The following CDH18 variants were observed in gnomAD, a reference collection of about 807,000 sequenced individuals.
CDH18 encodes the protein cadherin-18.
A neutral mutation model predicts 67.9 loss-of-function variants in CDH18; 31 were observed. The observed-to-expected ratio is 0.46, with a 90% CI of 0.34 to 0.62. CDH18 has a LOEUF of 0.62. Among genes scored for constraint, CDH18 ranks in the 20% least tolerant of loss-of-function variants. The pLI is 0.01. For missense variants in CDH18, 890 were observed against 975.5 expected (o/e 0.91, Z 1.17); for synonymous variants, 362 against 347.2 (o/e 1.04, Z -0.48).
chr5:19,599,890 A>AAAAAC (rs1279562377), intron 6 of CDH18, among the ~76,000 whole-genome samples: 1 of 152,110 alleles, frequency 6.6e-6, no homozygotes, highest in African/African-American at 2.4e-5. Context: ...GTGTCTCAAT[A>AAAAAC]AAAACAAGAC....
At chr5:19,760,231 T>A (rs548535734) in intron 3 of CDH18, among the ~76,000 whole-genome samples, 3 of 152,124 alleles carry the variant, frequency 2.0e-5, no homozygotes, top group Non-Finnish European at 4.4e-5. Context: ...CCATTAGATC[T>A]GATACACAGA....
At chr5:20,500,312 G>C (rs1754180787) in intron 1 of CDH18, among the ~76,000 whole-genome samples, 1 of 152,068 alleles carries the variant, frequency 6.6e-6, no homozygotes, top group Admixed American at 6.6e-5. Flanking sequence ...TGAATTTTAG[G>C]AAAATAGAAA....
chr5:19,571,212 C>T lies in CDH18; in HGVS notation c.1253+367G>A, dbSNP rs536932434. ...GAGTCAGTTAGAGATGAGTGTTATC[C>T]CCAAATCATCACGCTTTGTACTATA... On this transcript the variant is annotated intron_variant, in intron 8 of 12. Transcript: ENST00000382275. Among the ~76,000 whole-genome samples the T allele has an allele frequency of 7.9e-5, 12 of 152,272 alleles. No homozygotes were observed. The South Asian group carries it at 2.3e-3, about 29-fold the overall frequency.
intron 4 of CDH18, 86 bp downstream of exon 4, chr5:19,746,856 A>C (rs769054304): frequency 9.8e-7 from 1 of 1,021,578 alleles, no homozygotes; most frequent in Non-Finnish European, 1.5e-6. Flanking sequence ...AGATATATAT[A>C]TATAAGTAAA....
intron 1 of CDH18, among the ~76,000 whole-genome samples, chr5:20,292,675 G>GC (rs1174559299): frequency 6.6e-6 from 1 of 152,078 alleles, no homozygotes; most frequent in Non-Finnish European, 1.5e-5. Flanking sequence ...CGTGTTCCAT[G>GC]CTTTTTTTTT....
chr5:19,544,173 T>C (rs111662903), intron 8 of CDH18, among the ~76,000 whole-genome samples, 168 bp from the exon 9 acceptor site: 39 of 152,290 alleles, frequency 2.6e-4, no homozygotes, highest in Admixed American at 7.2e-4. Context: ...TCAATTATTC[T>C]TATCCATCAG....
chr5:19,844,877 T>C (rs965282680), intron 2 of CDH18, among the ~76,000 whole-genome samples: 3 of 152,214 alleles, frequency 2.0e-5, no homozygotes, highest in Non-Finnish European at 4.4e-5. Flanking sequence ...ACCTGATTTG[T>C]AAACACCCTC....
intron 1 of CDH18, among the ~76,000 whole-genome samples, chr5:20,397,206 C>T (rs62352815): frequency 0.14 from 20,681 of 152,100 alleles, 1,826 homozygotes; most frequent in East Asian, 0.25. Context: ...TCTTGGCTCA[C>T]GGCAACATCC....
chr5:20,559,965 G>GT (rs74939366), intron 1 of CDH18, among the ~76,000 whole-genome samples: 149,570 of 152,094 alleles, frequency 0.98, 73,523 homozygotes, highest in East Asian at 1. Flanking sequence ...GCCTAAAGGA[G>GT]TTTGGTTGAT....
chr5:19,994,156 C>T (rs978238595), intron 2 of CDH18, among the ~76,000 whole-genome samples: 17 of 151,970 alleles, frequency 1.1e-4, no homozygotes, highest in Admixed American at 9.8e-4. Flanking sequence ...GGTGACAAAA[C>T]GGTATCAGCT....
rs530240146 is a variant in CDH18, at chr5:20,421,039, T to C, written c.-580+154423A>G. ...CTTTTAAGGTGAGCTTGCCAGCAAG[T>C]AACAGTATGATCTTTAAATCCTTTT... is the stretch of plus-strand genomic sequence containing the variant. On this transcript the variant is annotated intron_variant, in intron 1 of 14. Transcript: ENST00000507958. 3.0e-4 allele frequency among the ~76,000 whole-genome samples: 46 copies of C among 151,396 alleles called. 3 individuals carry two copies. Among genetic ancestry groups the C allele is most frequent in the African/African-American group, 1.1e-3 (44 of 40,692 alleles).
chr5:20,336,997 A>C (rs1258067040), intron 1 of CDH18, among the ~76,000 whole-genome samples: 1 of 152,094 alleles, frequency 6.6e-6, no homozygotes, highest in East Asian at 1.9e-4. Context: ...TAGGAGGGAA[A>C]TTTACCCCTC....
intron 2 of CDH18, among the ~76,000 whole-genome samples, chr5:20,031,922 G>C (rs1739434377): frequency 6.6e-6 from 1 of 151,738 alleles, no homozygotes; most frequent in African/African-American, 2.4e-5. Flanking sequence ...AAAGCAAATA[G>C]AGTGTCCAAC....
intron 8 of CDH18, among the ~76,000 whole-genome samples, chr5:19,558,422 C>G (rs1027427864): frequency 3.3e-5 from 5 of 151,174 alleles, no homozygotes; most frequent in Non-Finnish European, 5.9e-5. Context: ...AAAAGAGAAG[C>G]AAGATCCAAA....
chr5:20,400,201 C>T (rs1028358503), intron 1 of CDH18, among the ~76,000 whole-genome samples: 4 of 152,126 alleles, frequency 2.6e-5, no homozygotes, highest in Non-Finnish European at 5.9e-5. Context: ...ATATCCTAAT[C>T]CTGTAGTTGT....
chr5:20,493,950 A>C (rs1459409795), intron 1 of CDH18, among the ~76,000 whole-genome samples: 1 of 141,458 alleles, frequency 7.1e-6, no homozygotes, highest in East Asian at 2.1e-4. Flanking sequence ...CAAAAACAGC[A>C]AAAAAAAAAC....
At chr5:20,443,890 A>G (rs1323119644) in intron 1 of CDH18, among the ~76,000 whole-genome samples, 2 of 151,898 alleles carry the variant, frequency 1.3e-5, no homozygotes, top group African/African-American at 4.9e-5. Context: ...ATAGGATTTT[A>G]TTTCTACCTA....
At chr5:19,962,609 A>G (rs917035693) in intron 2 of CDH18, among the ~76,000 whole-genome samples, 2 of 151,860 alleles carry the variant, frequency 1.3e-5, no homozygotes, top group African/African-American at 4.8e-5. Flanking sequence ...CCCTGTCTCT[A>G]CTAAAAATAC....
At chr5:19,662,724 C>A (rs908540143) in intron 5 of CDH18, among the ~76,000 whole-genome samples, 2 of 151,964 alleles carry the variant, frequency 1.3e-5, no homozygotes, top group Non-Finnish European at 2.9e-5. Flanking sequence ...TTCTTTTACT[C>A]ATGACTTGTA....
Sources: gnomAD v4.1 joint callset for allele counts (sites outside exome capture counted in the v4.1 genomes callset) on GRCh38, gnomAD v4.1.1 for gene constraint, MANE v1.5 for transcripts, NCBI Gene and HGNC (gene_info 2026-07-23, HGNC 2026-07-21) for gene names.